The following MUSK variants were observed in gnomAD, a reference collection of about 807,000 sequenced individuals.
The protein encoded by MUSK is muscle associated receptor tyrosine kinase.
A neutral mutation model predicts 88.7 loss-of-function variants in MUSK; 55 were observed. The ratio of observed to expected loss-of-function variants is 0.62; its 90% CI spans 0.50 to 0.78. The LOEUF is 0.78. MUSK is among the 30% of genes least tolerant of loss of function. The probability of loss-of-function intolerance (pLI) is 0.00; values close to 1 mark genes in which losing one functional copy is unlikely to be tolerated. For missense variants in MUSK, 1,015 were observed against 1,074.3 expected, an observed-to-expected ratio of 0.94 and a Z score of 0.77; for synonymous variants, 387 against 391.9, an observed-to-expected ratio of 0.99 and a Z score of 0.15.
chr9:110,697,572 C>T (rs2076449269), intron 5 of MUSK, 106 bp downstream of exon 5: 6 of 1,178,356 alleles, frequency 5.1e-6, no homozygotes, highest in Non-Finnish European at 6.8e-6. Context: ...CAGCCCACTT[C>T]CCTCAGTTGT....
At chr9:110,770,655 T>A (rs1263086019) in intron 9 of MUSK, among the ~76,000 whole-genome samples, 1 of 151,418 alleles carries the variant, frequency 6.6e-6, no homozygotes, top group African/African-American at 2.4e-5. Context: ...ATATTTACAT[T>A]ACTGAGTATT....
At chr9:110,774,574 C>T (rs576686330) in intron 9 of MUSK, among the ~76,000 whole-genome samples, 6 of 152,126 alleles carry the variant, frequency 3.9e-5, no homozygotes, top group East Asian at 1.9e-4. Flanking sequence ...ATGCTGTCTG[C>T]GTGCAAAAAA....
intron 10 of MUSK, 29 bp from the exon 11 acceptor site, chr9:110,776,603 A>T: frequency 6.3e-7 from 1 of 1,578,852 alleles, no homozygotes; most frequent in Non-Finnish European, 8.7e-7. Context: ...ATGCTCACTT[A>T]AAACAAATTT....
chr9:110,695,960 G>A (rs1311184553), intron 4 of MUSK, among the ~76,000 whole-genome samples: 2 of 152,106 alleles, frequency 1.3e-5, no homozygotes, highest in African/African-American at 2.4e-5. Flanking sequence ...GAAGTTAGGC[G>A]AAAAGACTCA....
intron 6 of MUSK, among the ~76,000 whole-genome samples, chr9:110,746,377 T>C (rs1165150549): frequency 6.6e-6 from 1 of 152,214 alleles, no homozygotes; most frequent in East Asian, 1.9e-4. Context: ...GTTGGTTGAT[T>C]TGTTAAGGTA....
chr9:110,800,436 G>T lies in MUSK; in HGVS notation c.2058G>T (p.Arg686Ser). The T allele has an allele frequency of 6.2e-7, 1 of 1,613,748 alleles. No individual in the cohort carries two copies. The highest frequency in any genetic ancestry group is 8.5e-7 in the Non-Finnish European group (1 of 1,179,824). The change falls in exon 15 of 15, where the codon AGG (arginine) becomes AGT (serine). Residue 686 changes from arginine (R) to serine (S), a missense_variant. Transcript: ENST00000374448. The part of the protein sequence containing the change: ...CSLSHSDLSM[R>S]AQVSSPGPPP... ...TCAGTCACAGTGACTTGTCTATGAG[G>T]GCTCAGGTCTCCAGCCCTGGGCCCC...
In MUSK at chr9:110,787,715, C is replaced by T. The variant is rs565780053; in HGVS notation, c.1804C>T (p.Pro602Ser). ...GGCACCAGGCTTACTTCCCTATGAACCTTTCACTATGGTGGCAGTAAAGAT... is the reference window on the plus strand; with the variant it reads ...GGCACCAGGCTTACTTCCCTATGAATCTTTCACTATGGTGGCAGTAAAGAT... Reference protein sequence around the residue: ...ARAPGLLPYEPFTMVAVKMLK... With the variant: ...ARAPGLLPYESFTMVAVKMLK... The change falls in exon 14 of 15, where the codon CCT becomes TCT. Residue 602 changes from proline to serine, a missense_variant. Transcript: ENST00000374448. The T allele has an allele frequency of 1.1e-5, 18 of 1,613,886 alleles. No homozygotes were observed. The South Asian group carries it at 1.2e-4, about 11-fold the overall frequency.
At chr9:110,771,814 C>G (rs1365834417) in intron 9 of MUSK, among the ~76,000 whole-genome samples, 1 of 152,120 alleles carries the variant, frequency 6.6e-6, no homozygotes. Context: ...AAAGGATCAA[C>G]CAAATAATTT....
chr9:110,712,440 G>T (rs1174899715), intron 5 of MUSK, among the ~76,000 whole-genome samples: 1 of 152,120 alleles, frequency 6.6e-6, no homozygotes, highest in African/African-American at 2.4e-5. Context: ...GAAAGAGAAA[G>T]AAATAACTAA....
chr9:110,676,343 C>CATATATTATATATT (rs1199946219), intron 1 of MUSK, among the ~76,000 whole-genome samples: 1,519 of 111,626 alleles, frequency 0.014, 33 homozygotes, highest in African/African-American at 0.038. Context: ...CATACACACA[C>CATATATTATATATT]ATATATTATA....
intron 6 of MUSK, among the ~76,000 whole-genome samples, chr9:110,736,870 G>A (rs1394139336): frequency 6.6e-6 from 1 of 151,864 alleles, no homozygotes; most frequent in African/African-American, 2.4e-5. Flanking sequence ...AGCTCCTTGG[G>A]CATCCCAGAT....
intron 11 of MUSK, among the ~76,000 whole-genome samples, chr9:110,781,362 C>T (rs1263141327): frequency 2.0e-5 from 3 of 152,102 alleles, no homozygotes; most frequent in Admixed American, 1.3e-4. Flanking sequence ...CTGCAAGCTC[C>T]GCCTCCCGGG....
Position 110,695,512 on chromosome 9 carries a change from G to C in MUSK, c.468G>C (p.Lys156Asn), listed in dbSNP as rs187347916. The change falls in exon 4 of 15, where the codon AAG (lysine) becomes AAC (asparagine). Residue 156 changes from lysine (K) to asparagine (N), a missense_variant. Lys to Asn is a moderately conservative substitution (Grantham distance 94). Coordinates refer to ENST00000374448, the MANE Select transcript of MUSK (RefSeq NM_005592.4). ...GNPKPSVSWI[K>N]GDSPLRENSR... ...CCAAACCATCAGTGTCTTGGATAAA[G>C]GGAGACAGCCCTCTCAGGGTAAGTG... 7.4e-5 allele frequency: 116 copies of C among 1,564,914 alleles called. No individual in the cohort carries two copies. Among genetic ancestry groups the C allele is most frequent in the Non-Finnish European group, 9.5e-5 (110 of 1,152,608 alleles).
intron 6 of MUSK, among the ~76,000 whole-genome samples, chr9:110,742,207 A>G (rs2077109520): frequency 6.6e-6 from 1 of 152,178 alleles, no homozygotes; most frequent in Non-Finnish European, 1.5e-5. Context: ...CTGTAATCCC[A>G]GCACTTTTGG....
chr9:110,726,719 A>C (rs1441183920), intron 5 of MUSK, among the ~76,000 whole-genome samples: 1 of 152,116 alleles, frequency 6.6e-6, no homozygotes, highest in Non-Finnish European at 1.5e-5. Context: ...TGATAAAGGA[A>C]ATAGAAAAAG....
chr9:110,714,912 G>GGTCTTTT (rs2076725732), intron 5 of MUSK, among the ~76,000 whole-genome samples: 2 of 137,430 alleles, frequency 1.5e-5, no homozygotes, highest in African/African-American at 6.6e-5. Flanking sequence ...CAAATAATCT[G>GGTCTTTT]TATAGATGAG....
chr9:110,677,425 T>C (rs1048480681), intron 1 of MUSK, among the ~76,000 whole-genome samples: 21 of 152,240 alleles, frequency 1.4e-4, no homozygotes, highest in African/African-American at 4.6e-4. Flanking sequence ...CGGCAGCATT[T>C]GATTCTCCCT....
intron 5 of MUSK, among the ~76,000 whole-genome samples, chr9:110,714,924 A>G (rs1035781265): frequency 3.6e-5 from 5 of 137,486 alleles, no homozygotes; most frequent in Non-Finnish European, 7.6e-5. Flanking sequence ...ATAGATGAGC[A>G]TCTATGTTTT....
chr9:110,800,853 G>C lies in MUSK; in HGVS notation c.2475G>C (p.Glu825Asp). The change falls in exon 15 of 15, where the codon GAG (glutamate) becomes GAC (aspartate). Residue 825 changes from glutamate (E) to aspartate (D), a missense_variant. By Grantham distance (45) the Glu-to-Asp change is conservative. Coordinates refer to ENST00000374448, the MANE Select transcript of MUSK (RefSeq NM_005592.4). ...ATGGCAACATCCTCTCCTGCCCTGAGAACTGCCCCGTGGAGCTGTACAATC... is the reference window on the plus strand; with the variant it reads ...ATGGCAACATCCTCTCCTGCCCTGACAACTGCCCCGTGGAGCTGTACAATC... Reference protein sequence around the residue: ...VRDGNILSCPENCPVELYNLM... With the variant: ...VRDGNILSCPDNCPVELYNLM... 6.2e-7 allele frequency: 1 copy of C among 1,606,224 alleles called. No homozygotes were observed. The highest frequency in any genetic ancestry group is 8.5e-7 in the Non-Finnish European group (1 of 1,174,954).
Sources: gnomAD v4.1 joint callset for allele counts (sites outside exome capture counted in the v4.1 genomes callset) on GRCh38, gnomAD v4.1.1 for gene constraint, MANE v1.5 for transcripts, NCBI Gene and HGNC (gene_info 2026-07-23, HGNC 2026-07-21) for gene names.